The following MIB1 variants were observed in gnomAD, a reference collection of about 807,000 sequenced individuals.
The protein encoded by MIB1 is E3 ubiquitin-protein ligase MIB1.
In MIB1, 278 loss-of-function variants were observed where a neutral mutation model predicts 124.5. That is an observed-to-expected ratio of 2.23 (90% CI 2.02 to 2.47). The LOEUF is 2.47. MIB1 is among the 30% of genes most tolerant of loss of function. The pLI is 0.00. For missense variants in MIB1, 957 were observed against 1,254.4 expected (o/e 0.76, Z 3.58); for synonymous variants, 446 against 429.4 (o/e 1.04, Z -0.48).
intron 1 of MIB1, among the ~76,000 whole-genome samples, chr18:21,719,717 A>G (rs572787737): frequency 2.0e-5 from 3 of 149,498 alleles, no homozygotes; most frequent in South Asian, 2.1e-4. Context: ...TTGGCCTCCC[A>G]AAGTGCTGGG....
intron 10 of MIB1, among the ~76,000 whole-genome samples, chr18:21,813,417 T>A (rs940958026): frequency 1.3e-5 from 2 of 151,858 alleles, no homozygotes; most frequent in Non-Finnish European, 1.5e-5. Context: ...GGCACAAGAG[T>A]TGAGAGAGGT....
intron 3 of MIB1, among the ~76,000 whole-genome samples, chr18:21,772,442 A>T (rs915511895): frequency 6.6e-6 from 1 of 152,138 alleles, no homozygotes; most frequent in African/African-American, 2.4e-5. Context: ...AAAATCTGAA[A>T]CCTGAAATAC....
chr18:21,778,793 A>G (rs982306402), intron 5 of MIB1, among the ~76,000 whole-genome samples: 1 of 151,068 alleles, frequency 6.6e-6, no homozygotes, highest in African/African-American at 2.4e-5. Flanking sequence ...GTATACCTTA[A>G]TTTTTTTTTA....
Position 21,869,465 on chromosome 18 carries a change from T to C in MIB1, c.*4799T>C, listed in dbSNP as rs2042341403. The C allele has an allele frequency of 6.6e-6, 1 of 152,440 alleles. No individual in the cohort carries two copies. The allele number at this position is 152,440 out of a possible 1,614,324, so 9.4% of individuals were successfully genotyped here. On this transcript the variant is annotated 3_prime_UTR_variant, in exon 21 of 21. Coordinates refer to ENST00000261537, the MANE Select transcript of MIB1 (RefSeq NM_020774.4). ...TAACTTGGCAACACTATTAAAACTT[T>C]ATAAAAGATGGTCTTTAGTGCACGT...
intron 1 of MIB1, among the ~76,000 whole-genome samples, chr18:21,758,071 C>G (rs1232411235): frequency 6.6e-6 from 1 of 152,142 alleles, no homozygotes; most frequent in African/African-American, 2.4e-5. Context: ...GGTTACTTGT[C>G]TGAGACTCAG....
At chr18:21,847,253 T>G in intron 16 of MIB1, 128 bp downstream of exon 16, 2 of 849,722 alleles carry the variant, frequency 2.4e-6, no homozygotes, top group Admixed American at 5.8e-5. Context: ...GTGTTGACCC[T>G]TTCTTTCCTG....
chr18:21,868,421 C>T lies in MIB1; in HGVS notation c.*3755C>T, dbSNP rs2042335318. The T allele has an allele frequency of 6.6e-6, 1 of 152,378 alleles. No homozygotes were observed. Among genetic ancestry groups the T allele is most frequent in the African/African-American group, 2.4e-5 (1 of 41,412 alleles). 9.4% of individuals were successfully genotyped at this position (152,378 alleles called of 1,614,324 possible). Reference sequence around the variant, plus strand: ...TTTTTGGGAGGGACAGTGCACCTCTCCTCTGAATTGTTAGCAATTAAATTG... The same window carrying T: ...TTTTTGGGAGGGACAGTGCACCTCTTCTCTGAATTGTTAGCAATTAAATTG... On this transcript the variant is annotated 3_prime_UTR_variant, in exon 21 of 21. Transcript: ENST00000261537.
intron 12 of MIB1, among the ~76,000 whole-genome samples, chr18:21,837,952 C>G (rs1167037774): frequency 6.6e-6 from 1 of 152,194 alleles, no homozygotes; most frequent in Non-Finnish European, 1.5e-5. Flanking sequence ...ACTGTTGATA[C>G]TGAACCTGAG....
chr18:21,847,107 GTCATAAGGAAAAAGTC>G lies in MIB1; in HGVS notation c.2376_2391del (p.Cys792Ter). On this transcript the variant is annotated frameshift_variant and splice_region_variant, in exon 16 of 21. Coordinates refer to ENST00000261537, the MANE Select transcript of MIB1 (RefSeq NM_020774.4). LOFTEE classifies it high-confidence loss of function. ...AATCTCTGCAAAGCACTGGCAAAGT[GTCATAAGGAAAAAGTC>G]AGGTTTGTATTATTTATTATCATAA... is the stretch of plus-strand genomic sequence containing the variant. 6.2e-7 allele frequency: 1 copy of G among 1,613,958 alleles called. No individual in the cohort carries two copies. Among genetic ancestry groups the G allele is most frequent in the Admixed American group, 1.7e-5 (1 of 60,002 alleles).
At chr18:21,726,963 C>T (rs925340789) in intron 1 of MIB1, among the ~76,000 whole-genome samples, 3 of 152,152 alleles carry the variant, frequency 2.0e-5, no homozygotes, top group African/African-American at 4.8e-5. Context: ...GGATTACATC[C>T]TGGTTCTGCT....
At chr18:21,804,463 G>A (rs547576488) in intron 10 of MIB1, among the ~76,000 whole-genome samples, 2 of 152,138 alleles carry the variant, frequency 1.3e-5, no homozygotes, top group South Asian at 2.1e-4. Context: ...TATTTGAAGA[G>A]TTCATAATGC....
intron 11 of MIB1, among the ~76,000 whole-genome samples, chr18:21,816,341 C>G (rs1366223731): frequency 2.6e-5 from 4 of 152,036 alleles, no homozygotes. Flanking sequence ...GTTTTATAAC[C>G]AGATAAATTA....
chr18:21,828,019 C>T (rs1242380497), intron 12 of MIB1: 3 of 151,774 alleles, frequency 2.0e-5, no homozygotes, highest in Non-Finnish European at 4.4e-5. Context: ...ATAAATTTTG[C>T]TAAGAGCATT....
At chr18:21,857,865 G>A (rs1187613989) in intron 19 of MIB1, among the ~76,000 whole-genome samples, 1 of 152,204 alleles carries the variant, frequency 6.6e-6, no homozygotes, top group Non-Finnish European at 1.5e-5. Flanking sequence ...AGCAGATGAG[G>A]AAGAGCATTA....
intron 3 of MIB1, among the ~76,000 whole-genome samples, chr18:21,772,991 C>A (rs919306254): frequency 6.6e-6 from 1 of 152,090 alleles, no homozygotes; most frequent in African/African-American, 2.4e-5. Context: ...TCTTGCCGGG[C>A]GTAGTGGCTC....
At chr18:21,863,606 C>T (rs1222722371) in intron 20 of MIB1, among the ~76,000 whole-genome samples, 1 of 152,082 alleles carries the variant, frequency 6.6e-6, no homozygotes, top group African/African-American at 2.4e-5. Context: ...CCTCTACTAC[C>T]TGGGTCTGGA....
intron 9 of MIB1, among the ~76,000 whole-genome samples, chr18:21,801,202 T>C (rs2041647250): frequency 6.6e-6 from 1 of 152,012 alleles, no homozygotes; most frequent in Non-Finnish European, 1.5e-5. Context: ...TGTTATAATG[T>C]CTTAATTTTC....
chr18:21,825,130 C>G (rs745864691), intron 12 of MIB1, among the ~76,000 whole-genome samples: 3 of 152,016 alleles, frequency 2.0e-5, no homozygotes, highest in African/African-American at 7.2e-5. Context: ...AACTAGATAA[C>G]TGTTTTAAGC....
intron 10 of MIB1, among the ~76,000 whole-genome samples, chr18:21,811,978 T>C (rs139947741): frequency 6.6e-6 from 1 of 152,292 alleles, no homozygotes; most frequent in African/African-American, 2.4e-5. Flanking sequence ...TAATAATCAC[T>C]GTGCTAGCTC....
Sources: gnomAD v4.1 joint callset for allele counts (sites outside exome capture counted in the v4.1 genomes callset) on GRCh38, gnomAD v4.1.1 for gene constraint, MANE v1.5 for transcripts, NCBI Gene and HGNC (gene_info 2026-07-23, HGNC 2026-07-21) for gene names.